FRMD4A: variants seen among roughly 807,000 people sequenced by gnomAD.
The protein encoded by FRMD4A is FERM domain-containing protein 4A.
A neutral mutation model predicts 129.1 loss-of-function variants in FRMD4A; 29 were observed. That is an observed-to-expected ratio of 0.22 (90% CI 0.17 to 0.31). The LOEUF is 0.31. Ranked by LOEUF, FRMD4A falls within the 10% of genes least tolerant of loss-of-function variation. The pLI, the probability that FRMD4A is intolerant of heterozygous loss-of-function variation, is 1.00. For synonymous variants in FRMD4A, 634 were observed against 571.6 expected (o/e 1.11, Z -1.56); for missense variants, 1,272 against 1,375.8 (o/e 0.92, Z 1.19).
chr10:14,141,975 T>A (rs1370794610), intron 2 of FRMD4A, among the ~76,000 whole-genome samples: 1 of 152,162 alleles, frequency 6.6e-6, no homozygotes, highest in Non-Finnish European at 1.5e-5. Context: ...CGAAAATGTG[T>A]ATTTGCTCTA....
At chr10:13,952,472 G>T (rs956017818) in intron 2 of FRMD4A, among the ~76,000 whole-genome samples, 1 of 152,004 alleles carries the variant, frequency 6.6e-6, no homozygotes, top group African/African-American at 2.4e-5. Context: ...CTACATTCCA[G>T]CCCAGGTGAC....
chr10:14,272,282 A>G (rs1370189584), intron 2 of FRMD4A, among the ~76,000 whole-genome samples: 1 of 152,164 alleles, frequency 6.6e-6, no homozygotes, highest in African/African-American at 2.4e-5. Context: ...AAAGGGACAC[A>G]TGTCACTTTC....
intron 24 of FRMD4A, among the ~76,000 whole-genome samples, chr10:13,650,741 C>G (rs11258498): frequency 2.0e-4 from 31 of 152,294 alleles, no homozygotes; most frequent in African/African-American, 7.0e-4. Context: ...AGTTTTTTCT[C>G]TACAGGAAAC....
At chr10:14,052,315 G>A (rs1367395635) in intron 2 of FRMD4A, among the ~76,000 whole-genome samples, 1 of 152,186 alleles carries the variant, frequency 6.6e-6, no homozygotes, top group Non-Finnish European at 1.5e-5. Flanking sequence ...GCCACAAGAA[G>A]CTCATACACA....
At chr10:13,725,601 G>A (rs900424961) in intron 12 of FRMD4A, among the ~76,000 whole-genome samples, 1 of 152,000 alleles carries the variant, frequency 6.6e-6, no homozygotes, top group Admixed American at 6.6e-5. Flanking sequence ...ACACCAGCAT[G>A]GGCTTCAACA....
intron 2 of FRMD4A, among the ~76,000 whole-genome samples, chr10:14,092,953 G>C (rs565405870): frequency 3.2e-4 from 48 of 152,330 alleles, no homozygotes; most frequent in Admixed American, 5.2e-4. Context: ...CATGAGGACT[G>C]AAGTGTAAAG....
At chr10:13,936,409 T>A (rs892933649) in intron 2 of FRMD4A, among the ~76,000 whole-genome samples, 3 of 152,196 alleles carry the variant, frequency 2.0e-5, no homozygotes, top group African/African-American at 7.2e-5. Context: ...ATAGGCTGAA[T>A]GTGCTCCTCC....
intron 2 of FRMD4A, among the ~76,000 whole-genome samples, chr10:13,921,257 TC>T (rs201760851): frequency 6.7e-6 from 1 of 148,980 alleles, no homozygotes. Flanking sequence ...TTTCTCTCTC[TC>T]TCTCTCTTTC....
rs547314288 is a variant in FRMD4A, at chr10:14,091,719, C to T, written c.46-232807G>A. On this transcript the variant is annotated intron_variant, in intron 2 of 24. Coordinates refer to ENST00000357447, the MANE Select transcript of FRMD4A (RefSeq NM_018027.5). ...AAGTGCTGGGATTACAGGCGTGAGC[C>T]ACCGTGCCTGGCCCATTCTTAGTTT... Among the ~76,000 whole-genome samples, 9 of 152,342 alleles carry T rather than the reference C, an allele frequency of 5.9e-5. No individual in the cohort carries two copies. The South Asian group carries it at 1.2e-3, about 21-fold the overall frequency.
At chr10:13,829,393 C>T (rs2093754941) in intron 3 of FRMD4A, among the ~76,000 whole-genome samples, 1 of 151,972 alleles carries the variant, frequency 6.6e-6, no homozygotes. Context: ...GGTGTGGTGC[C>T]GTGTGCCTGT....
At chr10:13,901,930 C>G (rs1435045785) in intron 2 of FRMD4A, among the ~76,000 whole-genome samples, 1 of 152,270 alleles carries the variant, frequency 6.6e-6, no homozygotes, top group African/African-American at 2.4e-5. Flanking sequence ...AGCAAATAAT[C>G]TGTTAATAAA....
chr10:14,159,965 G>C (rs749802318), intron 2 of FRMD4A, among the ~76,000 whole-genome samples: 14 of 152,236 alleles, frequency 9.2e-5, no homozygotes, highest in Non-Finnish European at 1.6e-4. Flanking sequence ...CAGGAGAACT[G>C]CTTGAACCTG....
At chr10:14,074,217 C>T (rs973252137) in intron 2 of FRMD4A, 8 of 152,310 alleles carry the variant, frequency 5.3e-5, no homozygotes, top group African/African-American at 1.9e-4. Context: ...AATGGGGTTT[C>T]CATGGAGACG....
rs17153667 is a variant in FRMD4A, at chr10:13,645,890, G to A, written c.*1148C>T. On this transcript the variant is annotated 3_prime_UTR_variant, in exon 25 of 25. Coordinates refer to ENST00000357447, the MANE Select transcript of FRMD4A (RefSeq NM_018027.5). ...CATAAAAACGAAAATGAAACACCTT[G>A]TGCAAAAAAATAGGATACGCTTTTA... 0.27 allele frequency: 41,906 copies of A among 152,488 alleles called. 6,338 individuals carry two copies. The highest frequency in any genetic ancestry group is 0.59 in the East Asian group (3,033 of 5,168). The allele number at this position is 152,488 out of a possible 1,614,324, so 9.4% of individuals were successfully genotyped here.
intron 12 of FRMD4A, among the ~76,000 whole-genome samples, chr10:13,718,980 T>C (rs541414200): frequency 6.6e-6 from 1 of 152,274 alleles, no homozygotes; most frequent in Non-Finnish European, 1.5e-5. Context: ...AGTGAGTGAA[T>C]GAATGAATGA....
At chr10:14,236,995 CAAAAAAAAAAAAAAAAA>C (rs71477244) in intron 2 of FRMD4A, among the ~76,000 whole-genome samples, 2 of 75,394 alleles carry the variant, frequency 2.7e-5, no homozygotes, top group African/African-American at 9.4e-5. Flanking sequence ...AACAGGTCAG[CAAAAAAAAAAAAAAAAA>C]AAAAAAAAAA....
chr10:14,006,774 A>G (rs2095663728), intron 2 of FRMD4A, among the ~76,000 whole-genome samples: 1 of 152,254 alleles, frequency 6.6e-6, no homozygotes, highest in Admixed American at 6.5e-5. Context: ...AGCCTGATCA[A>G]TGTGTAAATT....
chr10:14,257,485 A>G (rs1352357234), intron 2 of FRMD4A, among the ~76,000 whole-genome samples: 6 of 152,226 alleles, frequency 3.9e-5, no homozygotes, highest in Non-Finnish European at 1.5e-5. Flanking sequence ...AAAGGTGTGC[A>G]AGTAATTTTT....
chr10:13,868,187 A>C (rs1397585660), intron 2 of FRMD4A, among the ~76,000 whole-genome samples: 3 of 151,626 alleles, frequency 2.0e-5, no homozygotes, highest in Non-Finnish European at 2.9e-5. Context: ...AAAACCTTTA[A>C]AGGCCAAAGG....
Sources: allele counts gnomAD v4.1 joint callset (sites outside exome capture counted in the v4.1 genomes callset), GRCh38; gene constraint gnomAD v4.1.1; transcripts MANE v1.5; gene names NCBI Gene and HGNC (gene_info 2026-07-23, HGNC 2026-07-21).